The following TBC1D10A variants were observed in gnomAD, a reference collection of about 807,000 sequenced individuals.
The protein encoded by TBC1D10A is TBC1 domain family member 10A, also known as EBP50-PDX interactor of 64 kDa.
In TBC1D10A, 24 loss-of-function variants were observed where a neutral mutation model predicts 52.9. That is an observed-to-expected ratio of 0.45 (90% CI 0.33 to 0.64). TBC1D10A has a LOEUF of 0.64. Among genes scored for constraint, TBC1D10A ranks in the 30% least tolerant of loss-of-function variants. The probability of loss-of-function intolerance (pLI) is 0.02; values close to 1 mark genes in which losing one functional copy is unlikely to be tolerated. For synonymous variants in TBC1D10A, 278 were observed against 282.9 expected (o/e 0.98, Z 0.17); for missense variants, 602 against 687.9 (o/e 0.88, Z 1.40).
chr22:30,308,332 A>ATGCCTGCC (rs1312315017), intron 1 of TBC1D10A, among the ~76,000 whole-genome samples: 1 of 45,536 alleles, frequency 2.2e-5, no homozygotes, highest in Non-Finnish European at 4.5e-5. Context: ...GCATGCCTGC[A>ATGCCTGCC]TGCCTGCCTG....
At chr22:30,309,661 C>T (rs1320460996) in intron 1 of TBC1D10A, among the ~76,000 whole-genome samples, 3 of 152,242 alleles carry the variant, frequency 2.0e-5, no homozygotes, top group Non-Finnish European at 4.4e-5. Flanking sequence ...ACGTCATGGT[C>T]CAAGGCAGCA....
chr22:30,320,206 C>T (rs765356689), intron 1 of TBC1D10A, among the ~76,000 whole-genome samples: 41 of 152,174 alleles, frequency 2.7e-4, no homozygotes, highest in East Asian at 3.9e-4. Flanking sequence ...CAATGCAATC[C>T]GGACTCTGGC....
chr22:30,299,729 G>A (rs775360003), intron 2 of TBC1D10A, 178 bp from the exon 3 acceptor site: 73 of 508,490 alleles, frequency 1.4e-4, no homozygotes, highest in Admixed American at 2.7e-4. Flanking sequence ...CACTTTGGGA[G>A]GCCGAGGCGG....
Position 30,292,130 on chromosome 22 carries a change from C to G in TBC1D10A, c.*245G>C, listed in dbSNP as rs1929955832. ...GAGGGGGCTGAAGGAGGCCCCACCC[C>G]CCAGGCCCTAGCTTCTGCCTGCCCT... On this transcript the variant is annotated 3_prime_UTR_variant, in exon 9 of 9. Coordinates refer to ENST00000215790, the MANE Select transcript of TBC1D10A (RefSeq NM_031937.3). 4.6e-6 allele frequency: 2 copies of G among 432,734 alleles called. No homozygotes were observed. The highest frequency in any genetic ancestry group is 5.9e-5 in the South Asian group (1 of 17,006). 26.8% of individuals were successfully genotyped at this position (432,734 alleles called of 1,614,324 possible). A position where few individuals can be genotyped will look rare whatever the true frequency, so the allele number is the denominator to read the frequency against.
chr22:30,318,925 C>T (rs1930593850), intron 1 of TBC1D10A: 2 of 348,970 alleles, frequency 5.7e-6, no homozygotes, highest in Non-Finnish European at 1.1e-5. Flanking sequence ...CCTGGACTAA[C>T]TTTTATGCAA....
intron 2 of TBC1D10A, among the ~76,000 whole-genome samples, chr22:30,302,917 T>C (rs939968683): frequency 6.6e-6 from 1 of 152,142 alleles, no homozygotes; most frequent in Non-Finnish European, 1.5e-5. Context: ...AGAGGAATGA[T>C]GAGGCAGGGA....
chr22:30,323,649 G>A (rs1161875628), intron 1 of TBC1D10A, among the ~76,000 whole-genome samples: 2 of 152,144 alleles, frequency 1.3e-5, no homozygotes, highest in African/African-American at 4.8e-5. Flanking sequence ...ATGTAAGTAA[G>A]GGCTGAGCTG....
intron 1 of TBC1D10A, among the ~76,000 whole-genome samples, chr22:30,321,130 C>T (rs1483839696): frequency 6.6e-6 from 1 of 152,228 alleles, no homozygotes; most frequent in East Asian, 1.9e-4. Context: ...CCCAGGGTAG[C>T]AGCTGGTGTG....
In TBC1D10A at chr22:30,299,606, C is replaced by A. The variant is rs964869007; in HGVS notation, c.310-55G>T. The A allele has an allele frequency of 2.6e-6, 4 of 1,551,410 alleles. No homozygotes were observed. The Admixed American group carries it at 5.1e-5, about 20-fold the overall frequency. ...GCAGCCACCCAGGCAGCTCCCCTAG[C>A]CCAGCCCCTCTGCCAATGCGTGGTG... On this transcript the variant is annotated intron_variant, in intron 2 of 8. Coordinates refer to ENST00000215790, the MANE Select transcript of TBC1D10A (RefSeq NM_031937.3).
intron 1 of TBC1D10A, among the ~76,000 whole-genome samples, chr22:30,322,703 T>A (rs1202690986): frequency 7.1e-6 from 1 of 141,104 alleles, no homozygotes; most frequent in Non-Finnish European, 1.5e-5. Flanking sequence ...TCAAGCAGTC[T>A]TCCTACCTCA....
chr22:30,313,703 C>A (rs1163865079), intron 1 of TBC1D10A, among the ~76,000 whole-genome samples: 1 of 151,396 alleles, frequency 6.6e-6, no homozygotes, highest in Non-Finnish European at 1.5e-5. Context: ...GCCTGGCCAA[C>A]AAATGTGTGT....
chr22:30,293,641 T>A lies in TBC1D10A; in HGVS notation c.1050+10A>T, dbSNP rs755566709. On this transcript the variant is annotated intron_variant, in intron 8 of 8. Coordinates refer to ENST00000215790, the MANE Select transcript of TBC1D10A (RefSeq NM_031937.3). ...CCCTCCCCATGATAAGGGGCAGGCA[T>A]GGGCTGTACCTCCTGGACCAGAAAG... 6.2e-7 allele frequency: 1 copy of A among 1,601,234 alleles called. No individual in the cohort carries two copies. The highest frequency in any genetic ancestry group is 8.5e-7 in the Non-Finnish European group (1 of 1,170,914).
At position 30,313,670 on chromosome 22, in the gene TBC1D10A, G is replaced by A. The variant is rs1180619978; in HGVS notation, c.210-9040C>T. On this transcript the variant is annotated intron_variant, in intron 1 of 8. Coordinates refer to ENST00000215790, the MANE Select transcript of TBC1D10A (RefSeq NM_031937.3). ...CCCACCTCAGCCTCCCAAAGTGTAG[G>A]GATTACAGGCGTGAGCCACCGTGCC... 8.8e-5 allele frequency among the ~76,000 whole-genome samples: 13 copies of A among 147,588 alleles called. 1 individual carries two copies. The highest frequency in any genetic ancestry group is 5.9e-5 in the Non-Finnish European group (4 of 67,480).
chr22:30,309,156 G>A (rs1930376340), intron 1 of TBC1D10A, among the ~76,000 whole-genome samples: 1 of 152,238 alleles, frequency 6.6e-6, no homozygotes, highest in Non-Finnish European at 1.5e-5. Context: ...CCCGTACCTA[G>A]CAATGCTCAG....
chr22:30,306,879 G>C (rs750429589), intron 1 of TBC1D10A, among the ~76,000 whole-genome samples: 8 of 152,162 alleles, frequency 5.3e-5, no homozygotes, highest in Non-Finnish European at 8.8e-5. Context: ...CTGAAACATT[G>C]CAGGCTATCT....
chr22:30,316,480 A>G (rs923009841), intron 1 of TBC1D10A, among the ~76,000 whole-genome samples: 20 of 148,820 alleles, frequency 1.3e-4, no homozygotes, highest in Non-Finnish European at 2.7e-4. Flanking sequence ...TTTTTGAGAT[A>G]GGGTCTCCAT....
At chr22:30,305,617 T>A (rs986583297) in intron 1 of TBC1D10A, 2 of 152,382 alleles carry the variant, frequency 1.3e-5, no homozygotes, top group African/African-American at 4.8e-5. Flanking sequence ...GAGGAGGTTC[T>A]CAGGAACAGG....
At chr22:30,313,374 T>A (rs1930466601) in intron 1 of TBC1D10A, among the ~76,000 whole-genome samples, 2 of 124,526 alleles carry the variant, frequency 1.6e-5, no homozygotes, top group South Asian at 4.8e-4. Flanking sequence ...TGTGTGTGTG[T>A]GTGTGTGTGT....
intron 3 of TBC1D10A, chr22:30,296,797 A>C (rs1930089813): frequency 6.6e-6 from 1 of 152,246 alleles, no homozygotes; most frequent in South Asian, 2.1e-4. Context: ...ATGTAAATTC[A>C]TACCTCAATT....
Sources: gnomAD v4.1 joint callset for allele counts (sites outside exome capture counted in the v4.1 genomes callset) on GRCh38, gnomAD v4.1.1 for gene constraint, MANE v1.5 for transcripts, NCBI Gene and HGNC (gene_info 2026-07-23, HGNC 2026-07-21) for gene names.